Variants in PCTP observed in about 807,000 individuals in gnomAD.
The protein encoded by PCTP is phosphatidylcholine transfer protein, also known as START domain-containing protein 2.
A neutral mutation model predicts 31.0 loss-of-function variants in PCTP; 27 were observed. The ratio of observed to expected loss-of-function variants is 0.87; its 90% CI spans 0.64 to 1.20. The LOEUF (loss-of-function observed/expected upper bound fraction) is 1.20, where lower values mean the gene tolerates loss of function less well. Ranked by LOEUF, PCTP falls within the 50% of genes most tolerant of loss-of-function variation. PCTP has a pLI of 0.00. For missense variants in PCTP, 287 were observed against 268.2 expected, an observed-to-expected ratio of 1.07 and a Z score of -0.49; for synonymous variants, 108 against 101.2, an observed-to-expected ratio of 1.07 and a Z score of -0.40.
intron 1 of PCTP, among the ~76,000 whole-genome samples, chr17:55,766,455 C>T (rs1407748544): frequency 2.9e-5 from 4 of 138,886 alleles, no homozygotes; most frequent in African/African-American, 1.1e-4. Context: ...TGTTCCCCTT[C>T]CTGTGTCCAT....
intron 3 of PCTP, among the ~76,000 whole-genome samples, chr17:55,809,315 G>T (rs1219435640): frequency 1.3e-5 from 2 of 152,046 alleles, no homozygotes; most frequent in African/African-American, 4.8e-5. Context: ...CTTTATATAT[G>T]ATATTACATC....
chr17:55,767,409 T>C lies in PCTP; in HGVS notation c.216T>C (p.Tyr72=), dbSNP rs761313134. ...DCSPTLLADI[Y]MDSDYRKQWD... is the part of the protein sequence containing the mutation. ...CACCAACTCTACTGGCAGACATCTA[T>C]ATGGACTCAGATTACAGAAAACAAT... Residue 72 remains tyrosine (Y), a synonymous_variant, in exon 2 of 6, where the codon TAT becomes TAC. Transcript: ENST00000268896. The C allele has an allele frequency of 5.0e-6, 8 of 1,613,058 alleles. No homozygotes were observed. Among genetic ancestry groups the C allele is most frequent in the Non-Finnish European group, 6.8e-6 (8 of 1,179,234 alleles).
intron 5 of PCTP, among the ~76,000 whole-genome samples, chr17:55,838,369 G>T (rs1905846273): frequency 6.6e-6 from 1 of 152,142 alleles, no homozygotes; most frequent in South Asian, 2.1e-4. Flanking sequence ...CTATTGTCAT[G>T]ATTTTGTTAG....
chr17:55,754,946 T>G (rs2144905144), intron 1 of PCTP, among the ~76,000 whole-genome samples: 1 of 152,290 alleles, frequency 6.6e-6, no homozygotes, highest in South Asian at 2.1e-4. Context: ...TACACACATA[T>G]GTAAATTATA....
At chr17:55,816,951 C>T (rs1174753546) in intron 3 of PCTP, among the ~76,000 whole-genome samples, 1 of 152,142 alleles carries the variant, frequency 6.6e-6, no homozygotes, top group Non-Finnish European at 1.5e-5. Flanking sequence ...CAGTTTTAAC[C>T]TCAAATGAAC....
intron 3 of PCTP, among the ~76,000 whole-genome samples, chr17:55,804,918 G>T (rs920649067): frequency 6.6e-6 from 1 of 151,966 alleles, no homozygotes; most frequent in African/African-American, 2.4e-5. Flanking sequence ...TAGATTTAAG[G>T]TGAAATTATT....
At chr17:55,787,850 A>G (rs541002197) in intron 3 of PCTP, among the ~76,000 whole-genome samples, 13 of 152,276 alleles carry the variant, frequency 8.5e-5, no homozygotes, top group Middle Eastern at 3.4e-3. Context: ...ATAATGTACA[A>G]TAATTTTCTG....
At chr17:55,806,404 T>C (rs1912584306) in intron 3 of PCTP, among the ~76,000 whole-genome samples, 1 of 152,180 alleles carries the variant, frequency 6.6e-6, no homozygotes, top group Non-Finnish European at 1.5e-5. Flanking sequence ...GGTAGAAGTA[T>C]TTATATCAGA....
chr17:55,820,089 A>T (rs1567730467), intron 3 of PCTP, among the ~76,000 whole-genome samples: 1 of 152,192 alleles, frequency 6.6e-6, no homozygotes, highest in East Asian at 1.9e-4. Context: ...ATAGGGGCAA[A>T]TTTTTTTATG....
At chr17:55,847,284 A>G (rs2145100746), downstream of PCTP, among the ~76,000 whole-genome samples, 1 of 152,302 alleles carries the variant, frequency 6.6e-6, no homozygotes, top group Middle Eastern at 3.4e-3. Flanking sequence ...ACTATTTGGG[A>G]TTCAATCTGA....
chr17:55,842,158 AAT>A (rs57715440), intron 5 of PCTP, among the ~76,000 whole-genome samples: 18,702 of 152,140 alleles, frequency 0.12, 1,659 homozygotes, highest in African/African-American at 0.26. Flanking sequence ...GGCAATAAAC[AAT>A]AACTATAATA....
intron 1 of PCTP, among the ~76,000 whole-genome samples, chr17:55,757,571 AT>A (rs1567710326): frequency 8.0e-5 from 1 of 12,456 alleles, no homozygotes; most frequent in African/African-American, 8.5e-5. Context: ...GTGTGTGTGT[AT>A]ATATACTAAT....
At chr17:55,791,229 C>T (rs1240137235) in intron 3 of PCTP, among the ~76,000 whole-genome samples, 2 of 152,044 alleles carry the variant, frequency 1.3e-5, no homozygotes, top group Non-Finnish European at 1.5e-5. Flanking sequence ...CATTACCATT[C>T]AGGACACAGG....
downstream of PCTP, among the ~76,000 whole-genome samples, chr17:55,846,545 A>T (rs570960066): frequency 1.3e-5 from 2 of 152,326 alleles, no homozygotes; most frequent in Admixed American, 1.3e-4. Context: ...TCTAGCTAAG[A>T]TATGAAGGAC....
At chr17:55,797,458 A>G (rs1912222590) in intron 3 of PCTP, among the ~76,000 whole-genome samples, 1 of 152,000 alleles carries the variant, frequency 6.6e-6, no homozygotes, top group Admixed American at 6.6e-5. Flanking sequence ...CCTGCCAAAG[A>G]TAAATGTCTG....
chr17:55,816,036 A>G (rs1912903698), intron 3 of PCTP, among the ~76,000 whole-genome samples: 2 of 152,152 alleles, frequency 1.3e-5, no homozygotes, highest in Non-Finnish European at 1.5e-5. Context: ...GAAATTACTA[A>G]CATTTCCTCT....
intron 3 of PCTP, among the ~76,000 whole-genome samples, chr17:55,795,455 G>A (rs1178452267): frequency 1.1e-4 from 16 of 152,016 alleles, no homozygotes; most frequent in Non-Finnish European, 2.2e-4. Context: ...GAGAACCATC[G>A]TCTGCCTTTC....
intron 1 of PCTP, 180 bp downstream of exon 1, chr17:55,751,424 G>A: frequency 6.5e-7 from 1 of 1,534,300 alleles, no homozygotes; most frequent in Non-Finnish European, 8.7e-7. Context: ...GTGCCTCCAA[G>A]TGACTGCCGT....
At chr17:55,805,618 A>G (rs2145035250) in intron 3 of PCTP, among the ~76,000 whole-genome samples, 1 of 152,100 alleles carries the variant, frequency 6.6e-6, no homozygotes, top group Non-Finnish European at 1.5e-5. Context: ...ATACACACAC[A>G]TATATATGAT....
Sources: gnomAD v4.1 joint callset for allele counts (sites outside exome capture counted in the v4.1 genomes callset) on GRCh38, gnomAD v4.1.1 for gene constraint, MANE v1.5 for transcripts, NCBI Gene and HGNC (gene_info 2026-07-23, HGNC 2026-07-21) for gene names.